Variants in FOXN3 observed in about 807,000 individuals in gnomAD.
FOXN3 encodes the protein forkhead box protein N3.
In FOXN3, 7 loss-of-function variants were observed where a neutral mutation model predicts 38.4. The ratio of observed to expected loss-of-function variants is 0.18; its 90% CI spans 0.10 to 0.34. The LOEUF (loss-of-function observed/expected upper bound fraction) is 0.34. Ranked by LOEUF, FOXN3 falls within the 10% of genes least tolerant of loss-of-function variation. The pLI, the probability that FOXN3 is intolerant of heterozygous loss-of-function variation, is 1.00. For synonymous variants in FOXN3, 230 were observed against 242.2 expected (o/e 0.95, Z 0.47); for missense variants, 456 against 613.4 (o/e 0.74, Z 2.71).
intron 1 of FOXN3, among the ~76,000 whole-genome samples, chr14:89,601,754 T>G (rs72705442): frequency 3.3e-5 from 5 of 151,874 alleles, no homozygotes; most frequent in Non-Finnish European, 7.4e-5. Flanking sequence ...AGGTTTTTTG[T>G]TTTTGTTTTT....
At chr14:89,260,887 A>G (rs1235458942) in intron 4 of FOXN3, among the ~76,000 whole-genome samples, 1 of 152,240 alleles carries the variant, frequency 6.6e-6, no homozygotes, top group Non-Finnish European at 1.5e-5. Context: ...TGTGTAACCA[A>G]TATATTTTTA....
chr14:89,407,865 C>T (rs1012714818), intron 2 of FOXN3, among the ~76,000 whole-genome samples: 1 of 151,962 alleles, frequency 6.6e-6, no homozygotes, highest in Non-Finnish European at 1.5e-5. Context: ...TCAGAAACAG[C>T]GACAACAAAA....
chr14:89,329,972 C>T (rs1442338005), intron 3 of FOXN3, among the ~76,000 whole-genome samples: 2 of 149,504 alleles, frequency 1.3e-5, no homozygotes, highest in African/African-American at 4.9e-5. Flanking sequence ...CTAACGGTTT[C>T]AAGATCATTA....
chr14:89,453,966 G>A (rs1892669890), intron 1 of FOXN3, among the ~76,000 whole-genome samples: 5 of 151,856 alleles, frequency 3.3e-5, no homozygotes, highest in South Asian at 4.2e-4. Flanking sequence ...AAATCAGATC[G>A]TGAGGGTGGG....
At chr14:89,208,230 G>A (rs866510418) in intron 4 of FOXN3, among the ~76,000 whole-genome samples, 3 of 152,142 alleles carry the variant, frequency 2.0e-5, no homozygotes, top group Non-Finnish European at 2.9e-5. Context: ...AGGCGGGTAC[G>A]GGCCCTACCC....
At chr14:89,198,383 G>T (rs1358550758) in intron 4 of FOXN3, among the ~76,000 whole-genome samples, 1 of 152,096 alleles carries the variant, frequency 6.6e-6, no homozygotes, top group East Asian at 1.9e-4. Flanking sequence ...TGGTATCTTA[G>T]GGGGTCCTGG....
intron 1 of FOXN3, among the ~76,000 whole-genome samples, chr14:89,440,500 A>T (rs1310680014): frequency 6.6e-6 from 1 of 152,176 alleles, no homozygotes; most frequent in Non-Finnish European, 1.5e-5. Context: ...ACATTCCACC[A>T]CAGAAGAAGT....
intron 1 of FOXN3, among the ~76,000 whole-genome samples, chr14:89,582,877 T>C (rs1199658085): frequency 6.6e-6 from 1 of 152,212 alleles, no homozygotes; most frequent in African/African-American, 2.4e-5. Context: ...ACAATATATA[T>C]GCTCTTTTCT....
chr14:89,285,402 C>T (rs992565714), intron 3 of FOXN3, among the ~76,000 whole-genome samples: 5 of 151,992 alleles, frequency 3.3e-5, no homozygotes, highest in African/African-American at 1.2e-4. Context: ...GCCTGTAATC[C>T]CAGCTACTCA....
chr14:89,217,727 C>A (rs1243115772), intron 4 of FOXN3, among the ~76,000 whole-genome samples: 2 of 152,224 alleles, frequency 1.3e-5, no homozygotes, highest in East Asian at 3.9e-4. Context: ...TTGGAAATGT[C>A]AGCTTCCCAT....
At chr14:89,613,414 G>C (rs1009796106) in intron 1 of FOXN3, among the ~76,000 whole-genome samples, 5 of 152,200 alleles carry the variant, frequency 3.3e-5, no homozygotes, top group Non-Finnish European at 7.3e-5. Flanking sequence ...TACACCCTGG[G>C]ACGGTTCTGT....
intron 4 of FOXN3, among the ~76,000 whole-genome samples, chr14:89,270,586 G>A (rs1300694148): frequency 6.6e-6 from 1 of 152,198 alleles, no homozygotes; most frequent in African/African-American, 2.4e-5. Flanking sequence ...GTGGGTGGCA[G>A]AGGCTGGCCT....
chr14:89,251,981 T>C (rs912284636), intron 4 of FOXN3, among the ~76,000 whole-genome samples: 3 of 152,228 alleles, frequency 2.0e-5, no homozygotes, highest in South Asian at 2.1e-4. Flanking sequence ...CTGCAGACAG[T>C]AGGCTTTGGC....
chr14:89,348,793 A>G (rs941335634), intron 3 of FOXN3, among the ~76,000 whole-genome samples: 2 of 152,212 alleles, frequency 1.3e-5, no homozygotes, highest in Non-Finnish European at 2.9e-5. Flanking sequence ...TAAAAATCAA[A>G]TGAAGTCATT....
At chr14:89,186,664 A>G (rs1887817318) in intron 4 of FOXN3, among the ~76,000 whole-genome samples, 1 of 152,204 alleles carries the variant, frequency 6.6e-6, no homozygotes, top group African/African-American at 2.4e-5. Flanking sequence ...CGCGTGAGAC[A>G]TGGTGGCTCT....
At chr14:89,497,153 G>A (rs1475324011) in intron 1 of FOXN3, among the ~76,000 whole-genome samples, 2 of 151,622 alleles carry the variant, frequency 1.3e-5, no homozygotes, top group Admixed American at 1.3e-4. Context: ...ATGGGGTTTC[G>A]CCATGTCGGC....
At chr14:89,262,458 A>T (rs901261106) in intron 4 of FOXN3, among the ~76,000 whole-genome samples, 3 of 152,244 alleles carry the variant, frequency 2.0e-5, no homozygotes, top group Non-Finnish European at 4.4e-5. Flanking sequence ...TTCCAAGAAA[A>T]CAAGCTTTTT....
Position 89,454,303 on chromosome 14 carries a change from C to CA in FOXN3, c.-14-41814dup, listed in dbSNP as rs1344202960. Among the ~76,000 whole-genome samples the CA allele has an allele frequency of 6.0e-5, 9 of 150,230 alleles. No individual in the cohort carries two copies. In the South Asian group the frequency reaches 6.3e-4, roughly 10 times the overall value. On this transcript the variant is annotated intron_variant, in intron 1 of 6. Coordinates refer to the FOXN3 transcript ENST00000345097. Reference sequence around the variant, plus strand: ...TGGGCAACAGAGTGAGACTCCGTCTCAAAAAAAAAGAAGAGAGACCAGGGT... The same window carrying CA: ...TGGGCAACAGAGTGAGACTCCGTCTCAAAAAAAAAAGAAGAGAGACCAGGGT...
intron 3 of FOXN3, among the ~76,000 whole-genome samples, chr14:89,307,046 T>C (rs931548898): frequency 6.6e-6 from 1 of 152,146 alleles, no homozygotes; most frequent in South Asian, 2.1e-4. Flanking sequence ...GAAAAAGAAA[T>C]TGATTTTGGA....
Sources: allele counts gnomAD v4.1 joint callset (sites outside exome capture counted in the v4.1 genomes callset), GRCh38; gene constraint gnomAD v4.1.1; transcripts MANE v1.5; gene names NCBI Gene and HGNC (gene_info 2026-07-23, HGNC 2026-07-21).